The following STRN variants were observed in gnomAD, a reference collection of about 807,000 sequenced individuals.
STRN encodes protein phosphatase 2 regulatory subunit B'''alpha.
STRN carries 53 observed loss-of-function variants against 96.3 expected under a neutral mutation model. The ratio of observed to expected loss-of-function variants is 0.55; its 90% CI spans 0.44 to 0.69. STRN has a LOEUF of 0.69. Ranked by LOEUF, STRN falls within the 30% of genes least tolerant of loss-of-function variation. STRN has a pLI of 0.00. For synonymous variants in STRN, 428 were observed against 355.9 expected, an observed-to-expected ratio of 1.20 and a Z score of -2.28; for missense variants, 987 against 963.9, an observed-to-expected ratio of 1.02 and a Z score of -0.32.
intron 1 of STRN, among the ~76,000 whole-genome samples, chr2:36,954,562 T>A (rs1220585140): frequency 2.7e-5 from 4 of 150,102 alleles, no homozygotes; most frequent in Non-Finnish European, 4.4e-5. Flanking sequence ...CAGATTTTTT[T>A]AAGATGAAAT....
At chr2:36,882,209 T>C (rs1218050050) in intron 9 of STRN, among the ~76,000 whole-genome samples, 1 of 152,072 alleles carries the variant, frequency 6.6e-6, no homozygotes, top group Non-Finnish European at 1.5e-5. Flanking sequence ...GAAAAAAACA[T>C]ATGATTATGC....
At chr2:36,966,067 G>A (rs1431253599) in intron 1 of STRN, among the ~76,000 whole-genome samples, 163 bp downstream of exon 1, 1 of 150,904 alleles carries the variant, frequency 6.6e-6, no homozygotes, top group Non-Finnish European at 1.5e-5. Context: ...GTCAGCGAAA[G>A]GCAAAAGGCG....
intron 14 of STRN, among the ~76,000 whole-genome samples, chr2:36,857,547 G>C (rs990003987): frequency 6.6e-6 from 1 of 151,730 alleles, no homozygotes; most frequent in Non-Finnish European, 1.5e-5. Context: ...GCGTGGTGGT[G>C]TGTGCTGGAG....
At chr2:36,873,534 T>G (rs548063467) in intron 10 of STRN, among the ~76,000 whole-genome samples, 33 of 152,172 alleles carry the variant, frequency 2.2e-4, no homozygotes, top group Non-Finnish European at 3.8e-4. Flanking sequence ...CACACCAGCC[T>G]GGGTAAGACA....
intron 15 of STRN, among the ~76,000 whole-genome samples, chr2:36,853,006 A>G (rs972747448): frequency 3.9e-5 from 6 of 152,140 alleles, no homozygotes; most frequent in Non-Finnish European, 8.8e-5. Flanking sequence ...AAAATACAAA[A>G]ATGAACCAGA....
chr2:36,916,038 C>CTAGAAAATACTAGACA, intron 3 of STRN, 40 bp downstream of exon 3: 1 of 1,544,282 alleles, frequency 6.5e-7, no homozygotes. Context: ...TAGACATTAA[C>CTAGAAAATACTAGACA]TTCTTTTTAA....
At chr2:36,933,660 A>G (rs575583732) in intron 1 of STRN, among the ~76,000 whole-genome samples, 64 of 152,272 alleles carry the variant, frequency 4.2e-4, no homozygotes, top group African/African-American at 1.4e-3. Context: ...GTTGGAGTGC[A>G]ATGGCACGAT....
intron 3 of STRN, among the ~76,000 whole-genome samples, chr2:36,910,958 A>C (rs1669951258): frequency 6.6e-6 from 1 of 152,252 alleles, no homozygotes. Context: ...AAGGAAAAGC[A>C]AATTTTTGTG....
chr2:36,906,843 C>T (rs1311689494), intron 3 of STRN, among the ~76,000 whole-genome samples: 1 of 151,998 alleles, frequency 6.6e-6, no homozygotes, highest in East Asian at 1.9e-4. Flanking sequence ...ACCCCTTGAA[C>T]CCAAGAAGCG....
chr2:36,911,885 C>G (rs753806727), intron 3 of STRN, among the ~76,000 whole-genome samples: 52 of 152,214 alleles, frequency 3.4e-4, no homozygotes, highest in Non-Finnish European at 5.7e-4. Flanking sequence ...TTTCTCGATC[C>G]TACTATTCCC....
chr2:36,865,393 T>C (rs1347220818), intron 12 of STRN, among the ~76,000 whole-genome samples: 1 of 152,216 alleles, frequency 6.6e-6, no homozygotes, highest in African/African-American at 2.4e-5. Flanking sequence ...GCTAGTGGTC[T>C]ACCTATCTTA....
chr2:36,876,244 C>A (rs1366578555), intron 10 of STRN, among the ~76,000 whole-genome samples: 2 of 150,398 alleles, frequency 1.3e-5, no homozygotes, highest in Non-Finnish European at 2.9e-5. Context: ...GCACTCCAGC[C>A]TGGGTGACCG....
intron 6 of STRN, 82 bp from the exon 7 acceptor site, chr2:36,894,115 G>T: frequency 6.7e-7 from 1 of 1,484,110 alleles, no homozygotes; most frequent in East Asian, 2.3e-5. Flanking sequence ...ATTTTCTTCA[G>T]AAAGTATACG....
At position 36,906,740 on chromosome 2, in the gene STRN, A is replaced by C. The variant is rs572404181; in HGVS notation, c.413-1122T>G. Among the ~76,000 whole-genome samples the C allele has an allele frequency of 3.9e-5, 6 of 152,108 alleles. No homozygotes were observed. The East Asian group carries it at 1.2e-3, about 30-fold the overall frequency. ...CAGGAGTTTGAGACCAGCCTGACCAACATGGCAAAAAACCCCATATCTACT... is the reference window on the plus strand; with the variant it reads ...CAGGAGTTTGAGACCAGCCTGACCACCATGGCAAAAAACCCCATATCTACT... On this transcript the variant is annotated intron_variant, in intron 3 of 17. Coordinates refer to ENST00000263918, the MANE Select transcript of STRN (RefSeq NM_003162.4).
In STRN at chr2:36,844,673, T is replaced by G. The variant is rs997827850; in HGVS notation, c.*4783A>C. ...AGGGATCTGTTTGGCCTAACATTTG[T>G]TTTTTTTAGAATTAAAAAAACAAAA... On this transcript the variant is annotated 3_prime_UTR_variant, in exon 18 of 18. Transcript: ENST00000263918. 6.6e-6 allele frequency: 1 copy of G among 151,766 alleles called. No individual in the cohort carries two copies. The highest frequency in any genetic ancestry group is 1.5e-5 in the Non-Finnish European group (1 of 67,882). The allele number at this position is 151,766 out of a possible 1,614,324, so 9.4% of individuals were successfully genotyped here.
At chr2:36,895,934 A>G (rs76791747) in intron 6 of STRN, among the ~76,000 whole-genome samples, 6 of 151,562 alleles carry the variant, frequency 4.0e-5, no homozygotes, top group Non-Finnish European at 7.4e-5. Flanking sequence ...AAAAAAAAAG[A>G]AAAAAAACAG....
chr2:36,899,860 T>C (rs531676703), intron 5 of STRN, among the ~76,000 whole-genome samples: 1 of 152,228 alleles, frequency 6.6e-6, no homozygotes, highest in African/African-American at 2.4e-5. Flanking sequence ...TACTTTGTAA[T>C]CCTATCTATC....
intron 1 of STRN, among the ~76,000 whole-genome samples, chr2:36,952,412 A>G (rs1462457746): frequency 6.6e-6 from 1 of 151,378 alleles, no homozygotes; most frequent in Non-Finnish European, 1.5e-5. Flanking sequence ...GGAGAAGAAA[A>G]CATTTCAGCC....
chr2:36,922,887 G>T (rs1310068954), intron 2 of STRN, among the ~76,000 whole-genome samples: 1 of 152,140 alleles, frequency 6.6e-6, no homozygotes, highest in Non-Finnish European at 1.5e-5. Context: ...GGTGGCTCAC[G>T]CCACCCAGCA....
Sources: gnomAD v4.1 joint callset for allele counts (sites outside exome capture counted in the v4.1 genomes callset) on GRCh38, gnomAD v4.1.1 for gene constraint, MANE v1.5 for transcripts, NCBI Gene and HGNC (gene_info 2026-07-23, HGNC 2026-07-21) for gene names.